Variants in TSHZ2 observed in about 807,000 individuals in gnomAD.
TSHZ2 encodes teashirt homolog 2.
Under a neutral mutation model 74.4 loss-of-function variants are expected in TSHZ2, and 21 were observed. That is an observed-to-expected ratio of 0.28 (90% CI 0.20 to 0.41). The LOEUF (loss-of-function observed/expected upper bound fraction) is 0.41, where lower values mean the gene tolerates loss of function less well. Ranked by LOEUF, TSHZ2 falls within the 10% of genes least tolerant of loss-of-function variation. The probability of loss-of-function intolerance (pLI) is 1.00; values close to 1 mark genes in which losing one functional copy is unlikely to be tolerated. For synonymous variants in TSHZ2, 540 were observed against 515.3 expected, an observed-to-expected ratio of 1.05 and a Z score of -0.65; for missense variants, 1,244 against 1,293.5, an observed-to-expected ratio of 0.96 and a Z score of 0.59.
At chr20:52,997,263 G>GA (rs1555813118) in intron 1 of TSHZ2, among the ~76,000 whole-genome samples, 22 of 151,528 alleles carry the variant, frequency 1.5e-4, no homozygotes, top group African/African-American at 3.2e-4. Flanking sequence ...TTGCCCCGGG[G>GA]GGGGGTTCAG....
chr20:53,162,463 G>A lies in TSHZ2; in HGVS notation c.41-91036G>A, dbSNP rs1371979406. Among the ~76,000 whole-genome samples, 8 of 152,276 alleles carry A rather than the reference G, an allele frequency of 5.3e-5. No homozygotes were observed. The East Asian group carries it at 1.5e-3, about 29-fold the overall frequency. ...TCTTTTGTATCTTTCCTGGTAACTC[G>A]ACTTCAGTTTCTCTGATGGTAAAGA... On this transcript the variant is annotated intron_variant, in intron 1 of 2. Coordinates refer to ENST00000371497, the MANE Select transcript of TSHZ2 (RefSeq NM_173485.6).
rs1985313232 is a variant in TSHZ2 at position 53,074,719 on chromosome 20, A to T, written c.40+101386A>T. On this transcript the variant is annotated intron_variant, in intron 1 of 2. Coordinates refer to ENST00000371497, the MANE Select transcript of TSHZ2 (RefSeq NM_173485.6). This position sits in a 1 kb window ranked among gnomAD's most constrained non-coding sequence, Gnocchi z 5.9. ...ACTATAGATACTAATTATAGTCTGA[A>T]TTTTAAAGAAAAATTCAGGCACATC... is the stretch of plus-strand genomic sequence containing the variant. Among the ~76,000 whole-genome samples, 2 of 152,258 alleles carry T rather than the reference A, an allele frequency of 1.3e-5. No homozygotes were observed. Among genetic ancestry groups the T allele is most frequent in the Admixed American group, 1.3e-4 (2 of 15,290 alleles).
At chr20:53,328,887 TGATA>T (rs1208605407) in intron 2 of TSHZ2, among the ~76,000 whole-genome samples, 1 of 152,204 alleles carries the variant, frequency 6.6e-6, no homozygotes, top group Non-Finnish European at 1.5e-5. Flanking sequence ...CTGGCCTGCT[TGATA>T]GATACTTTAG....
At chr20:52,980,184 G>C (rs1363137035) in intron 1 of TSHZ2, among the ~76,000 whole-genome samples, 1 of 152,148 alleles carries the variant, frequency 6.6e-6, no homozygotes, top group Non-Finnish European at 1.5e-5. Context: ...GCTAGCTCAG[G>C]GTTCAAGATC....
chr20:53,187,009 C>T (rs1261094447), intron 1 of TSHZ2, among the ~76,000 whole-genome samples: 1 of 151,986 alleles, frequency 6.6e-6, no homozygotes, highest in African/African-American at 2.4e-5. Flanking sequence ...TTCGAGGAGC[C>T]CCTTTCTTTG....
chr20:53,111,676 G>A (rs1401897430), intron 1 of TSHZ2, among the ~76,000 whole-genome samples: 1 of 152,188 alleles, frequency 6.6e-6, no homozygotes, highest in Non-Finnish European at 1.5e-5. Context: ...CCAAGAGGGA[G>A]TGGAAGACAT....
chr20:53,271,000 G>T (rs1990823791), intron 2 of TSHZ2, among the ~76,000 whole-genome samples: 1 of 152,160 alleles, frequency 6.6e-6, no homozygotes, highest in East Asian at 1.9e-4. Context: ...CCATGGAGAT[G>T]GGTCCCTATT....
chr20:53,339,337 G>A (rs1183147506), intron 2 of TSHZ2, among the ~76,000 whole-genome samples: 1 of 152,090 alleles, frequency 6.6e-6, no homozygotes, highest in Non-Finnish European at 1.5e-5. Context: ...AGGTGGCTGC[G>A]GAGGCCTGAG....
At chr20:53,268,810 GC>G (rs1990771354) in intron 2 of TSHZ2, among the ~76,000 whole-genome samples, 1 of 152,172 alleles carries the variant, frequency 6.6e-6, no homozygotes, top group Non-Finnish European at 1.5e-5. Flanking sequence ...TAGATGCTCA[GC>G]AAATCTGAGC....
At position 53,293,700 on chromosome 20, in the gene TSHZ2, CAAAAAAAA is replaced by C. The variant is rs11476117; in HGVS notation, c.*8+37140_*8+37147del. 9.1e-5 allele frequency among the ~76,000 whole-genome samples: 11 copies of C among 120,244 alleles called. No individual in the cohort carries two copies. The East Asian group carries it at 2.5e-3, about 27-fold the overall frequency. 78.9% of individuals were successfully genotyped at this position (120,244 alleles called of 152,430 possible). ...CTGGTAAATTTTAACAACTGGCTCTCAAAAAAAAAAAAAAAAAAGAAAAGAAACAGGTC... is the reference window on the plus strand; with the variant it reads ...CTGGTAAATTTTAACAACTGGCTCTCAAAAAAAAAAGAAAAGAAACAGGTC... On this transcript the variant is annotated intron_variant, in intron 2 of 2. Transcript: ENST00000371497.
At chr20:53,012,036 C>G (rs1982870822) in intron 1 of TSHZ2, among the ~76,000 whole-genome samples, 2 of 152,132 alleles carry the variant, frequency 1.3e-5, no homozygotes, top group Admixed American at 1.3e-4. Flanking sequence ...GGGATTTGAT[C>G]CACGATATCT....
Position 53,298,029 on chromosome 20 carries a change from G to A in TSHZ2, c.*8+41458G>A, listed in dbSNP as rs180759042. ...TATCCATAAAGGAGCTTCTTGGATG[G>A]GTGGTGTCTCCAACTTCTTTCGGTC... On this transcript the variant is annotated intron_variant, in intron 2 of 2. Coordinates refer to ENST00000371497, the MANE Select transcript of TSHZ2 (RefSeq NM_173485.6). Among the ~76,000 whole-genome samples, 265 of 152,314 alleles carry A rather than the reference G, an allele frequency of 1.7e-3. 2 individuals are homozygous for A. Among genetic ancestry groups the A allele is most frequent in the African/African-American group, 6.1e-3 (252 of 41,564 alleles).
At chr20:53,318,220 G>A (rs1439822481) in intron 2 of TSHZ2, among the ~76,000 whole-genome samples, 2 of 152,220 alleles carry the variant, frequency 1.3e-5, no homozygotes, top group African/African-American at 4.8e-5. Flanking sequence ...GAGGTAGAGA[G>A]AGAAAAGGGC....
At chr20:53,036,496 CATAT>C (rs1166110483) in intron 1 of TSHZ2, among the ~76,000 whole-genome samples, 1 of 150,810 alleles carries the variant, frequency 6.6e-6, no homozygotes, top group Non-Finnish European at 1.5e-5. Flanking sequence ...TACATACACA[CATAT>C]ATAAACACAT....
chr20:53,226,210 G>A (rs1989684379), intron 1 of TSHZ2, among the ~76,000 whole-genome samples: 1 of 151,436 alleles, frequency 6.6e-6, no homozygotes. Flanking sequence ...CAGTGGCCAT[G>A]GGAGCTTTGG....
At chr20:53,265,590 G>T (rs1990698193) in intron 2 of TSHZ2, among the ~76,000 whole-genome samples, 1 of 152,196 alleles carries the variant, frequency 6.6e-6, no homozygotes. Flanking sequence ...CGCCATGGCA[G>T]TAAATGCCAC....
At chr20:53,081,574 C>T (rs563875785) in intron 1 of TSHZ2, among the ~76,000 whole-genome samples, 13 of 152,312 alleles carry the variant, frequency 8.5e-5, no homozygotes, top group Admixed American at 6.5e-4. Flanking sequence ...GCTGTTACAA[C>T]GCTGTAGGAT....
intron 2 of TSHZ2, among the ~76,000 whole-genome samples, chr20:53,310,214 T>A (rs911058297): frequency 7.2e-5 from 11 of 152,164 alleles, no homozygotes; most frequent in Non-Finnish European, 1.5e-5. Context: ...GAAACAGAAG[T>A]TGTATGGTCA....
At chr20:53,051,463 A>G (rs866978338) in intron 1 of TSHZ2, among the ~76,000 whole-genome samples, 24 of 124,536 alleles carry the variant, frequency 1.9e-4, no homozygotes, top group African/African-American at 1.1e-3. Flanking sequence ...GCACGCACAC[A>G]CACACACACA....
Sources: gnomAD v4.1 joint callset for allele counts (sites outside exome capture counted in the v4.1 genomes callset) on GRCh38, gnomAD v4.1.1 for gene constraint, Gnocchi (gnomAD v3.1) non-coding constraint, MANE v1.5 for transcripts, NCBI Gene and HGNC (gene_info 2026-07-23, HGNC 2026-07-21) for gene names.